SLC12A8: variants seen among roughly 807,000 people sequenced by gnomAD.
SLC12A8 encodes the protein solute carrier family 12 member 8.
A neutral mutation model predicts 75.6 loss-of-function variants in SLC12A8; 69 were observed. That is an observed-to-expected ratio of 0.91 (90% CI 0.75 to 1.11). The LOEUF is 1.11. SLC12A8 is among the 50% of genes most tolerant of loss of function. SLC12A8 has a pLI of 0.00. For synonymous variants in SLC12A8, 365 were observed against 372.8 expected, an observed-to-expected ratio of 0.98 and a Z score of 0.24; for missense variants, 877 against 896.7, an observed-to-expected ratio of 0.98 and a Z score of 0.28.
At chr3:125,141,620 G>T (rs192780422) in intron 5 of SLC12A8, among the ~76,000 whole-genome samples, 8 of 152,286 alleles carry the variant, frequency 5.3e-5, no homozygotes, top group African/African-American at 1.9e-4. Flanking sequence ...GCGTCGGGTT[G>T]CACTGTTGAC....
At chr3:125,116,484 C>T (rs1251344526) in intron 8 of SLC12A8, among the ~76,000 whole-genome samples, 1 of 152,176 alleles carries the variant, frequency 6.6e-6, no homozygotes, top group Non-Finnish European at 1.5e-5. Flanking sequence ...GGTGGCATTC[C>T]ACAGGAGGCT....
chr3:125,103,212 A>G (rs1938928467), intron 10 of SLC12A8, among the ~76,000 whole-genome samples: 1 of 151,856 alleles, frequency 6.6e-6, no homozygotes, highest in Admixed American at 6.6e-5. Flanking sequence ...CCCCTCTCCA[A>G]CTCACTCACC....
chr3:125,123,135 G>A (rs1057277914), intron 6 of SLC12A8, among the ~76,000 whole-genome samples: 1 of 152,056 alleles, frequency 6.6e-6, no homozygotes, highest in African/African-American at 2.4e-5. Context: ...AGCATTTTGG[G>A]AGGCCGAGGC....
intron 9 of SLC12A8, 33 bp from the exon 10 acceptor site, chr3:125,108,159 A>C (rs779382521): frequency 1.6e-5 from 26 of 1,577,834 alleles, no homozygotes; most frequent in Non-Finnish European, 2.0e-5. Flanking sequence ...CAGGACCATA[A>C]AATTTCAGAT....
chr3:125,121,154 C>A (rs6789966), intron 6 of SLC12A8, among the ~76,000 whole-genome samples: 14 of 152,170 alleles, frequency 9.2e-5, no homozygotes, highest in Admixed American at 5.9e-4. Context: ...CCTCCAAGCC[C>A]CTGAGCTACC....
intron 2 of SLC12A8, among the ~76,000 whole-genome samples, chr3:125,194,709 T>C (rs957657451): frequency 6.6e-6 from 1 of 152,220 alleles, no homozygotes; most frequent in African/African-American, 2.4e-5. Flanking sequence ...CTTCTGTCCA[T>C]TCAGGTCAGG....
At chr3:125,138,181 C>A (rs1405010978) in intron 5 of SLC12A8, among the ~76,000 whole-genome samples, 1 of 152,092 alleles carries the variant, frequency 6.6e-6, no homozygotes, top group Non-Finnish European at 1.5e-5. Context: ...GCAGGTGGAT[C>A]ACTTGAGATT....
rs750288728 is a variant in SLC12A8, at chr3:125,135,737, G to A, written c.668C>T (p.Thr223Met). 41 of 1,609,572 alleles carry A rather than the reference G, an allele frequency of 2.5e-5. No individual in the cohort carries two copies. Among genetic ancestry groups the A allele is most frequent in the Admixed American group, 5.0e-5 (3 of 59,688 alleles). The change falls in exon 6 of 14, where the codon ACG (threonine) becomes ATG (methionine). Residue 223 changes from threonine to methionine, a missense_variant. By Grantham distance (81) the Thr-to-Met change is moderately conservative. Coordinates refer to ENST00000469902, the MANE Select transcript of SLC12A8 (RefSeq NM_024628.6). ...TTCCCCCGGGCTGTAATCGGGCAGC[G>A]TGTTGTTCTGTAGCAGTTCGGGTGA... ...GYSPELLQNN[T>M]LPDYSPGESF...
intron 2 of SLC12A8, among the ~76,000 whole-genome samples, chr3:125,191,229 G>T (rs536492259): frequency 2.0e-5 from 3 of 152,066 alleles, no homozygotes; most frequent in East Asian, 3.8e-4. Context: ...AATCAGAGGC[G>T]AATAATGAAA....
intron 10 of SLC12A8, among the ~76,000 whole-genome samples, chr3:125,103,748 T>C (rs1257039661): frequency 6.6e-6 from 1 of 152,116 alleles, no homozygotes; most frequent in Admixed American, 6.5e-5. Context: ...TCTTCCCACC[T>C]CAGCCTCCCA....
rs140309879 is a variant in SLC12A8 at position 125,208,258 on chromosome 3, C to T, written c.51+3041G>A. Among the ~76,000 whole-genome samples, 1,090 of 152,306 alleles carry T rather than the reference C, an allele frequency of 7.2e-3. 6 individuals are homozygous for T. Among genetic ancestry groups the T allele is most frequent in the Non-Finnish European group, 0.011 (746 of 68,034 alleles). ...CACACATCATCCTCAATAGACTGCC[C>T]ACCCAGCAGGTTGTCTGGAACAATG... is the stretch of plus-strand genomic sequence containing the variant. On this transcript the variant is annotated intron_variant, in intron 2 of 13. Coordinates refer to ENST00000469902, the MANE Select transcript of SLC12A8 (RefSeq NM_024628.6).
intron 5 of SLC12A8, among the ~76,000 whole-genome samples, chr3:125,139,149 TC>T (rs1373381917): frequency 6.6e-6 from 1 of 152,194 alleles, no homozygotes; most frequent in African/African-American, 2.4e-5. Flanking sequence ...CCGTTTGTAC[TC>T]TGTTTCCCAA....
intron 5 of SLC12A8, among the ~76,000 whole-genome samples, chr3:125,156,496 G>A (rs1181969484): frequency 6.6e-6 from 1 of 152,154 alleles, no homozygotes; most frequent in Non-Finnish European, 1.5e-5. Flanking sequence ...ATAAACTAAC[G>A]AGACAAAAAA....
chr3:125,212,612 A>T (rs1004415676), intron 1 of SLC12A8, 88 bp downstream of exon 1: 1 of 152,356 alleles, frequency 6.6e-6, no homozygotes, highest in Admixed American at 6.5e-5. Context: ...GGCAAAGGTG[A>T]CCCCAGGCCT....
chr3:125,205,542 A>G (rs1935211738), intron 2 of SLC12A8, among the ~76,000 whole-genome samples: 1 of 152,166 alleles, frequency 6.6e-6, no homozygotes, highest in Non-Finnish European at 1.5e-5. Flanking sequence ...AAAGGGGGAA[A>G]GACAGAGGAG....
chr3:125,120,460 G>C, intron 7 of SLC12A8, 139 bp downstream of exon 7: 1 of 727,056 alleles, frequency 1.4e-6, no homozygotes, highest in Non-Finnish European at 2.4e-6. Context: ...AGCCCACCGA[G>C]TGTTAAAAGA....
chr3:125,128,875 G>T (rs910633589), intron 6 of SLC12A8, among the ~76,000 whole-genome samples: 3 of 152,210 alleles, frequency 2.0e-5, no homozygotes, highest in Non-Finnish European at 2.9e-5. Flanking sequence ...CAGAGGAGGG[G>T]TGAGCACTAA....
intron 5 of SLC12A8, among the ~76,000 whole-genome samples, chr3:125,159,154 GGTTA>G (rs1285562676): frequency 6.6e-6 from 1 of 152,170 alleles, no homozygotes; most frequent in East Asian, 1.9e-4. Flanking sequence ...TTTTAAGTAT[GGTTA>G]GTTTGTCATT....
chr3:125,089,608 G>A (rs1237344977), intron 12 of SLC12A8, among the ~76,000 whole-genome samples: 2 of 150,036 alleles, frequency 1.3e-5, no homozygotes, highest in East Asian at 2.0e-4. Flanking sequence ...TAATACACAC[G>A]ACTTAAAATG....
Sources: allele counts gnomAD v4.1 joint callset (sites outside exome capture counted in the v4.1 genomes callset), GRCh38; gene constraint gnomAD v4.1.1; transcripts MANE v1.5; gene names NCBI Gene and HGNC (gene_info 2026-07-23, HGNC 2026-07-21).